TAF3: variants seen among roughly 807,000 people sequenced by gnomAD.
The protein encoded by TAF3 is TATA-box binding protein associated factor 3.
A neutral mutation model predicts 80.6 loss-of-function variants in TAF3; 7 were observed. The observed-to-expected ratio is 0.09, with a 90% CI of 0.05 to 0.16. The LOEUF (loss-of-function observed/expected upper bound fraction) is 0.16, where lower values mean the gene tolerates loss of function less well. TAF3 is among the 10% of genes least tolerant of loss of function. The pLI, the probability that TAF3 is intolerant of heterozygous loss-of-function variation, is 1.00. For synonymous variants in TAF3, 444 were observed against 446.1 expected, an observed-to-expected ratio of 1.00 and a Z score of 0.06; for missense variants, 921 against 1,140.2, an observed-to-expected ratio of 0.81 and a Z score of 2.77.
intron 2 of TAF3, among the ~76,000 whole-genome samples, chr10:7,842,274 A>G (rs1836926591): frequency 6.7e-6 from 1 of 149,102 alleles, no homozygotes; most frequent in Non-Finnish European, 1.5e-5. Context: ...CCCGGGCTCA[A>G]GCAGTCCTAC....
intron 2 of TAF3, among the ~76,000 whole-genome samples, chr10:7,836,991 C>T (rs1191032746): frequency 2.0e-5 from 3 of 152,108 alleles, no homozygotes; most frequent in Admixed American, 1.3e-4. Flanking sequence ...ACTTGGGAGG[C>T]CAAGGCAGGA....
chr10:7,957,620 A>G (rs1166902237), intron 2 of TAF3, among the ~76,000 whole-genome samples: 2 of 152,182 alleles, frequency 1.3e-5, no homozygotes, highest in Admixed American at 6.5e-5. Flanking sequence ...ACTAACAATC[A>G]ATTTTTTAAA....
intron 4 of TAF3, among the ~76,000 whole-genome samples, chr10:7,996,490 TTG>T (rs1831888609): frequency 6.6e-6 from 1 of 152,226 alleles, no homozygotes; most frequent in Non-Finnish European, 1.5e-5. Context: ...ACCACCACAC[TTG>T]GGCTTAGTAT....
intron 2 of TAF3, among the ~76,000 whole-genome samples, chr10:7,830,911 C>T (rs977584222): frequency 6.6e-6 from 1 of 152,188 alleles, no homozygotes; most frequent in Non-Finnish European, 1.5e-5. Context: ...ATTGTGCACT[C>T]ATAATGCAGC....
intron 2 of TAF3, among the ~76,000 whole-genome samples, chr10:7,865,299 A>G (rs1466636544): frequency 1.3e-5 from 2 of 152,050 alleles, no homozygotes; most frequent in Non-Finnish European, 2.9e-5. Flanking sequence ...AACCCTGTAG[A>G]GACAGGGTTT....
intron 2 of TAF3, among the ~76,000 whole-genome samples, chr10:7,950,355 C>T (rs566109855): frequency 6.6e-6 from 1 of 151,338 alleles, no homozygotes; most frequent in East Asian, 2.0e-4. Flanking sequence ...GAGGGAAAGA[C>T]CTTGGCACCT....
chr10:7,875,719 C>T (rs188925011), intron 2 of TAF3, among the ~76,000 whole-genome samples: 55 of 152,042 alleles, frequency 3.6e-4, no homozygotes, highest in African/African-American at 1.2e-3. Context: ...GTGAATTTAC[C>T]CCCCAAAGCC....
intron 1 of TAF3, among the ~76,000 whole-genome samples, chr10:7,824,112 T>A (rs1004969491): frequency 6.6e-6 from 1 of 152,218 alleles, no homozygotes; most frequent in African/African-American, 2.4e-5. Flanking sequence ...TCTGGCTAGT[T>A]GTCTGATTAT....
intron 3 of TAF3, among the ~76,000 whole-genome samples, chr10:7,974,543 CAAG>C (rs904962594): frequency 4.0e-5 from 6 of 151,850 alleles, no homozygotes; most frequent in African/African-American, 1.5e-4. Flanking sequence ...TGTAGCATGA[CAAG>C]AGGAGAGGGC....
At chr10:7,874,881 C>T (rs901957226) in intron 2 of TAF3, among the ~76,000 whole-genome samples, 18 of 152,040 alleles carry the variant, frequency 1.2e-4, no homozygotes, top group African/African-American at 1.4e-4. Context: ...GTATTGAGCT[C>T]GGGTTTTTTT....
At chr10:7,822,145 G>C (rs189859406) in intron 1 of TAF3, among the ~76,000 whole-genome samples, 1 of 151,796 alleles carries the variant, frequency 6.6e-6, no homozygotes, top group South Asian at 2.1e-4. Context: ...TGTACTGACA[G>C]TGATGTGCAT....
chr10:7,964,395 C>A lies in TAF3; in HGVS notation c.885C>A (p.Val295=), dbSNP rs1383048309. The change falls in exon 3 of 7, where the codon GTC becomes GTA. Residue 295 remains valine (V), a synonymous_variant. Coordinates refer to ENST00000344293, the MANE Select transcript of TAF3 (RefSeq NM_031923.4). The surrounding 1 kb of genome is among the most constrained non-coding windows in gnomAD (Gnocchi z 4.1). ...SPKTAQSPAM[V]GSPIRSPKTV... is the part of the protein sequence containing the mutation. ...AAACCGCCCAGTCACCAGCAATGGT[C>A]GGAAGTCCTATTCGATCACCAAAAA... is the stretch of plus-strand genomic sequence containing the variant. 2 of 1,614,036 alleles carry A rather than the reference C, an allele frequency of 1.2e-6. No individual in the cohort carries two copies. Among genetic ancestry groups the A allele is most frequent in the Middle Eastern group, 1.6e-4 (1 of 6,062 alleles).
intron 4 of TAF3, among the ~76,000 whole-genome samples, chr10:7,982,252 A>G (rs1029979660): frequency 1.3e-5 from 2 of 152,190 alleles, no homozygotes; most frequent in Non-Finnish European, 2.9e-5. Flanking sequence ...GAGAGTATAT[A>G]TAGTACAGTC....
intron 2 of TAF3, among the ~76,000 whole-genome samples, chr10:7,836,635 C>T (rs1195263372): frequency 6.6e-6 from 1 of 152,194 alleles, no homozygotes; most frequent in African/African-American, 2.4e-5. Context: ...GTGGCACCAT[C>T]TCTACTCAGT....
intron 2 of TAF3, among the ~76,000 whole-genome samples, chr10:7,875,814 T>A (rs1472848657): frequency 1.3e-5 from 2 of 152,168 alleles, no homozygotes; most frequent in African/African-American, 2.4e-5. Flanking sequence ...TGGCAAGTTT[T>A]TACTTTTATG....
intron 4 of TAF3, among the ~76,000 whole-genome samples, chr10:8,007,339 G>A (rs781223263): frequency 2.0e-5 from 3 of 151,758 alleles, no homozygotes; most frequent in Non-Finnish European, 2.9e-5. Flanking sequence ...ACAGCAAACA[G>A]TAATGCAGTA....
intron 2 of TAF3, among the ~76,000 whole-genome samples, chr10:7,957,095 C>T (rs1024096796): frequency 2.0e-5 from 3 of 152,156 alleles, no homozygotes; most frequent in Non-Finnish European, 4.4e-5. Flanking sequence ...ATATCACTAT[C>T]AACTTTAACC....
At chr10:7,908,410 T>C (rs1424448571) in intron 2 of TAF3, among the ~76,000 whole-genome samples, 1 of 152,226 alleles carries the variant, frequency 6.6e-6, no homozygotes, top group African/African-American at 2.4e-5. Flanking sequence ...TCCTCAACTT[T>C]AAGCATTGGC....
chr10:7,984,707 G>A (rs943874015), intron 4 of TAF3, among the ~76,000 whole-genome samples: 2 of 152,166 alleles, frequency 1.3e-5, no homozygotes, highest in Admixed American at 6.5e-5. Flanking sequence ...CAAGGTCCAC[G>A]ATCACTAATT....
Sources: allele counts gnomAD v4.1 joint callset (sites outside exome capture counted in the v4.1 genomes callset), GRCh38; gene constraint gnomAD v4.1.1; non-coding constraint Gnocchi (gnomAD v3.1); transcripts MANE v1.5; gene names NCBI Gene and HGNC (gene_info 2026-07-23, HGNC 2026-07-21).